UBE2R2: variants seen among roughly 807,000 people sequenced by gnomAD.
UBE2R2 encodes ubiquitin-conjugating enzyme E2 R2.
In UBE2R2, 1 loss-of-function variant was observed where a neutral mutation model predicts 27.8. The ratio of observed to expected loss-of-function variants is 0.04; its 90% CI spans 0.01 to 0.17. The LOEUF (loss-of-function observed/expected upper bound fraction) is 0.17. Among genes scored for constraint, UBE2R2 ranks in the 10% least tolerant of loss-of-function variants. UBE2R2 has a pLI of 1.00. For synonymous variants in UBE2R2, 106 were observed against 113.3 expected (o/e 0.94, Z 0.41); for missense variants, 100 against 291.0 (o/e 0.34, Z 4.78).
At position 33,817,593 on chromosome 9, in the gene UBE2R2, G is replaced by A; in HGVS notation, c.-165G>A. ...CGTGTGTGAGGAGGACCCCGGGCGGGCCCACGGGCCGTGTGGGGCCTGGTC... is the reference window on the plus strand; with the variant it reads ...CGTGTGTGAGGAGGACCCCGGGCGGACCCACGGGCCGTGTGGGGCCTGGTC... On this transcript the variant is annotated 5_prime_UTR_variant, in exon 1 of 5. Transcript: ENST00000263228. The A allele has an allele frequency of 1.3e-6, 1 of 772,772 alleles. No individual in the cohort carries two copies. Among genetic ancestry groups the A allele is most frequent in the Non-Finnish European group, 1.6e-6 (1 of 614,166 alleles). The allele number at this position is 772,772 out of a possible 1,614,324, so 47.9% of individuals were successfully genotyped here.
intron 1 of UBE2R2, among the ~76,000 whole-genome samples, chr9:33,835,548 G>A (rs12001778): frequency 0.016 from 2,428 of 152,090 alleles, 57 homozygotes; most frequent in African/African-American, 0.055. Context: ...AAAAGATGTC[G>A]CAGGAAACTT....
At chr9:33,822,595 A>T (rs78424465) in intron 1 of UBE2R2, among the ~76,000 whole-genome samples, 11 of 51,224 alleles carry the variant, frequency 2.1e-4, no homozygotes, top group East Asian at 3.0e-4. Flanking sequence ...GTTTTAATTT[A>T]AAAAAAAAAT....
At chr9:33,849,117 C>T (rs577853976) in intron 1 of UBE2R2, among the ~76,000 whole-genome samples, 28 of 152,036 alleles carry the variant, frequency 1.8e-4, no homozygotes, top group African/African-American at 5.5e-4. Flanking sequence ...ATTAGCCGGG[C>T]GTGGTGGCAC....
At chr9:33,878,984 G>A (rs1011745352) in intron 1 of UBE2R2, among the ~76,000 whole-genome samples, 14 of 152,134 alleles carry the variant, frequency 9.2e-5, no homozygotes, top group African/African-American at 3.1e-4. Context: ...GGACTACACA[G>A]AGTACCCAGC....
intron 1 of UBE2R2, among the ~76,000 whole-genome samples, chr9:33,827,554 T>C (rs992838621): frequency 6.6e-6 from 1 of 151,892 alleles, no homozygotes; most frequent in South Asian, 2.1e-4. Flanking sequence ...GGCAGGAGAA[T>C]TGTTTGAATG....
chr9:33,878,307 T>C (rs1276734395), intron 1 of UBE2R2, among the ~76,000 whole-genome samples: 2 of 152,142 alleles, frequency 1.3e-5, no homozygotes, highest in Admixed American at 6.6e-5. Flanking sequence ...AGTAATTTAC[T>C]GAGGCAGTTG....
chr9:33,844,461 C>T (rs1820795612), intron 1 of UBE2R2, among the ~76,000 whole-genome samples: 1 of 151,986 alleles, frequency 6.6e-6, no homozygotes, highest in African/African-American at 2.4e-5. Context: ...GACTCAGCCT[C>T]CCAAAGTGCT....
intron 2 of UBE2R2, among the ~76,000 whole-genome samples, chr9:33,895,368 G>A (rs370027830): frequency 2.0e-5 from 3 of 152,084 alleles, no homozygotes; most frequent in South Asian, 4.1e-4. Flanking sequence ...TCAATGTATT[G>A]GATTATTTCT....
chr9:33,835,145 G>T (rs1587432284), intron 1 of UBE2R2, among the ~76,000 whole-genome samples: 1 of 112,124 alleles, frequency 8.9e-6, no homozygotes, highest in African/African-American at 3.4e-5. Context: ...CTAAGTGTAG[G>T]TTTTTTTTTT....
At chr9:33,865,212 A>ATCTAT (rs1184793194) in intron 1 of UBE2R2, among the ~76,000 whole-genome samples, 1 of 148,150 alleles carries the variant, frequency 6.7e-6, no homozygotes, top group Non-Finnish European at 1.5e-5. Context: ...CTATCTATCT[A>ATCTAT]TTTTTTTAAG....
At chr9:33,821,666 A>C (rs1335498017) in intron 1 of UBE2R2, among the ~76,000 whole-genome samples, 2 of 151,562 alleles carry the variant, frequency 1.3e-5, no homozygotes. Context: ...GCCAGGCTGG[A>C]GTGCAGTGGC....
chr9:33,887,643 CTTTTTTGTTTGT>C (rs1473657240), intron 2 of UBE2R2, among the ~76,000 whole-genome samples: 3 of 139,850 alleles, frequency 2.1e-5, no homozygotes, highest in Admixed American at 7.5e-5. Context: ...TATAAGTGTG[CTTTTTTGTTTGT>C]TTGTTTGTTT....
chr9:33,832,022 A>G (rs1230276714), intron 1 of UBE2R2, among the ~76,000 whole-genome samples: 1 of 151,114 alleles, frequency 6.6e-6, no homozygotes, highest in Non-Finnish European at 1.5e-5. Context: ...CTAATAAATT[A>G]TTTAGGCCGG....
intron 4 of UBE2R2, among the ~76,000 whole-genome samples, chr9:33,916,362 G>T (rs1462011110): frequency 6.6e-6 from 1 of 152,110 alleles, no homozygotes; most frequent in Admixed American, 6.5e-5. Context: ...AGTGGGTCGT[G>T]CAAGACACTG....
chr9:33,894,321 A>AGCTC (rs747258501), intron 2 of UBE2R2, among the ~76,000 whole-genome samples: 13 of 152,164 alleles, frequency 8.5e-5, no homozygotes, highest in Non-Finnish European at 1.6e-4. Context: ...GTAAAGTGGT[A>AGCTC]GCTCATTGTG....
intron 4 of UBE2R2, among the ~76,000 whole-genome samples, chr9:33,912,880 T>C (rs1174941681): frequency 6.6e-6 from 1 of 152,128 alleles, no homozygotes; most frequent in Non-Finnish European, 1.5e-5. Context: ...CAGGTTCTTA[T>C]AATAGTACCC....
At chr9:33,864,697 G>A (rs1468798129) in intron 1 of UBE2R2, among the ~76,000 whole-genome samples, 1 of 150,986 alleles carries the variant, frequency 6.6e-6, no homozygotes, top group Non-Finnish European at 1.5e-5. Flanking sequence ...CTGCAGGCCT[G>A]CCACCAATCT....
rs1349730792 is a variant in UBE2R2 at position 33,918,860 on chromosome 9, T to TA, written c.*1624dup. On this transcript the variant is annotated 3_prime_UTR_variant, in exon 5 of 5. Coordinates refer to ENST00000263228, the MANE Select transcript of UBE2R2 (RefSeq NM_017811.4). ...TAGGATGGCCAGAGTAGGTGACGCT[T>TA]ACTTCCTTAGCTCCTCCTTCCATTC... 6.6e-6 allele frequency: 1 copy of TA among 152,600 alleles called. No homozygotes were observed. The highest frequency in any genetic ancestry group is 1.5e-5 in the Non-Finnish European group (1 of 68,082). The allele number at this position is 152,600 out of a possible 1,614,324, so 9.5% of individuals were successfully genotyped here. A position where few individuals can be genotyped will look rare whatever the true frequency, so the allele number is the denominator to read the frequency against.
At chr9:33,880,787 G>A (rs888258116) in intron 1 of UBE2R2, among the ~76,000 whole-genome samples, 4 of 152,164 alleles carry the variant, frequency 2.6e-5, no homozygotes, top group South Asian at 2.1e-4. Flanking sequence ...CAAGGAGTGC[G>A]AACCCTGTTG....
Sources: allele counts gnomAD v4.1 joint callset (sites outside exome capture counted in the v4.1 genomes callset), GRCh38; gene constraint gnomAD v4.1.1; transcripts MANE v1.5; gene names NCBI Gene and HGNC (gene_info 2026-07-23, HGNC 2026-07-21).